ADGB: variants seen among roughly 807,000 people sequenced by gnomAD.
ADGB encodes the protein androglobin, also known as calpain-7-like protein.
ADGB carries 172 observed loss-of-function variants against 210.5 expected under a neutral mutation model. The ratio of observed to expected loss-of-function variants is 0.82; its 90% CI spans 0.72 to 0.93. The LOEUF (loss-of-function observed/expected upper bound fraction) is 0.93. Among genes scored for constraint, ADGB ranks in the 40% least tolerant of loss-of-function variants. ADGB has a pLI of 0.00. For synonymous variants in ADGB, 658 were observed against 662.7 expected, an observed-to-expected ratio of 0.99 and a Z score of 0.11; for missense variants, 2,025 against 1,964.8, an observed-to-expected ratio of 1.03 and a Z score of -0.58.
At chr6:146,777,595 T>C (rs189068052) in intron 29 of ADGB, among the ~76,000 whole-genome samples, 177 of 152,258 alleles carry the variant, frequency 1.2e-3, no homozygotes, top group African/African-American at 4.0e-3. Flanking sequence ...TCAGAAACTT[T>C]AGGGTTGGTG....
intron 3 of ADGB, among the ~76,000 whole-genome samples, chr6:146,650,572 A>G (rs555616126): frequency 4.2e-4 from 61 of 146,836 alleles, no homozygotes; most frequent in African/African-American, 1.4e-3. Flanking sequence ...CACAGATACA[A>G]TAAATACTCC....
chr6:146,637,587 T>G (rs755222413), intron 2 of ADGB, among the ~76,000 whole-genome samples: 1 of 151,962 alleles, frequency 6.6e-6, no homozygotes, highest in Non-Finnish European at 1.5e-5. Context: ...AGACCAGCTA[T>G]AGCATTCTGT....
intron 2 of ADGB, among the ~76,000 whole-genome samples, chr6:146,642,742 G>A (rs1775536916): frequency 6.6e-6 from 1 of 151,810 alleles, no homozygotes; most frequent in African/African-American, 2.4e-5. Context: ...GGAGACAACA[G>A]ACACTGGGAT....
At chr6:146,625,763 T>A (rs947845782) in intron 1 of ADGB, among the ~76,000 whole-genome samples, 2 of 152,088 alleles carry the variant, frequency 1.3e-5, no homozygotes, top group Non-Finnish European at 2.9e-5. Context: ...TACAGAACCA[T>A]TAACCAGTTA....
At chr6:146,725,703 T>A (rs1013330543) in intron 18 of ADGB, 1 of 158,610 alleles carries the variant, frequency 6.3e-6, no homozygotes, top group African/African-American at 2.4e-5. Flanking sequence ...CATGAAATGA[T>A]GCATTTGTGA....
intron 28 of ADGB, among the ~76,000 whole-genome samples, chr6:146,767,577 T>C (rs770465436): frequency 3.9e-5 from 6 of 152,178 alleles, no homozygotes; most frequent in Non-Finnish European, 5.9e-5. Context: ...CAAGTGATTC[T>C]CTCGTCTCAG....
At chr6:146,799,629 G>T (rs1022900253) in intron 33 of ADGB, among the ~76,000 whole-genome samples, 4 of 144,930 alleles carry the variant, frequency 2.8e-5, no homozygotes, top group Non-Finnish European at 6.1e-5. Flanking sequence ...GGGAGGGAGG[G>T]AGGGAGACTG....
intron 35 of ADGB, among the ~76,000 whole-genome samples, chr6:146,812,203 TGAG>T (rs1778312905): frequency 6.6e-6 from 1 of 152,110 alleles, no homozygotes; most frequent in African/African-American, 2.4e-5. Flanking sequence ...TTTAAGAGAT[TGAG>T]TTTTATAAAC....
chr6:146,713,844 TTCTC>T lies in ADGB; in HGVS notation c.1708-1534_1708-1531del, dbSNP rs1305945377. Among the ~76,000 whole-genome samples the T allele has an allele frequency of 9.2e-5, 14 of 152,134 alleles. No homozygotes were observed. In the South Asian group the frequency reaches 2.1e-3, roughly 23 times the overall value. On this transcript the variant is annotated intron_variant, in intron 13 of 35. Coordinates refer to ENST00000397944, the MANE Select transcript of ADGB (RefSeq NM_024694.4). Reference sequence around the variant, plus strand: ...ATTGCCAAATCCAGTGTCATGAAGCTTCTCTCTATGTTTTCTTCTAGGAGTTTTG... The same window carrying T: ...ATTGCCAAATCCAGTGTCATGAAGCTTCTATGTTTTCTTCTAGGAGTTTTG...
Position 146,788,545 on chromosome 6 carries a change from A to C in ADGB, c.4472A>C (p.Glu1491Ala). ...GATGTGGCAAAATCCACGAGTAGCG[A>C]AAGTGGAGGAGTGTCTTCACCAGGG... is the stretch of plus-strand genomic sequence containing the variant. ...LRDVAKSTSS[E>A]SGGVSSPGKE... The change falls in exon 33 of 36, where the codon GAA (glutamate) becomes GCA (alanine). Residue 1491 changes from glutamate (E) to alanine (A), a missense_variant. Coordinates refer to ENST00000397944, the MANE Select transcript of ADGB (RefSeq NM_024694.4). 6.4e-7 allele frequency: 1 copy of C among 1,551,694 alleles called. No individual in the cohort carries two copies. Among genetic ancestry groups the C allele is most frequent in the Non-Finnish European group, 8.7e-7 (1 of 1,146,922 alleles).
intron 25 of ADGB, 48 bp downstream of exon 25, chr6:146,741,319 G>T: frequency 6.5e-7 from 1 of 1,532,186 alleles, no homozygotes; most frequent in Non-Finnish European, 8.8e-7. Flanking sequence ...GCAGTGAAAA[G>T]CTACCAGCTT....
chr6:146,813,848 T>C (rs1353652690), intron 35 of ADGB, among the ~76,000 whole-genome samples: 1 of 152,220 alleles, frequency 6.6e-6, no homozygotes, highest in Non-Finnish European at 1.5e-5. Flanking sequence ...TTGAGTTCAC[T>C]CCCATTTATG....
intron 13 of ADGB, among the ~76,000 whole-genome samples, chr6:146,710,265 TAAAATCCAA>T (rs79921508): frequency 0.22 from 32,894 of 151,802 alleles, 3,900 homozygotes; most frequent in African/African-American, 0.32. Context: ...TTTACTTTTA[TAAAATCCAA>T]TTAATTGGGA....
chr6:146,713,553 T>C (rs551278161), intron 13 of ADGB, among the ~76,000 whole-genome samples: 11 of 152,358 alleles, frequency 7.2e-5, no homozygotes, highest in Admixed American at 3.3e-4. Context: ...GAAGGGTCTA[T>C]TCAAATTATT....
intron 16 of ADGB, among the ~76,000 whole-genome samples, chr6:146,719,689 G>A (rs1776787613): frequency 6.6e-6 from 1 of 152,140 alleles, no homozygotes; most frequent in African/African-American, 2.4e-5. Flanking sequence ...GCTGGCACCA[G>A]GGCAGAGGCC....
intron 8 of ADGB, among the ~76,000 whole-genome samples, chr6:146,672,935 T>C (rs1157796500): frequency 3.3e-5 from 5 of 151,972 alleles, no homozygotes; most frequent in Non-Finnish European, 7.4e-5. Flanking sequence ...TTCACCATGT[T>C]GGCCAGGCTG....
chr6:146,664,379 C>A, intron 6 of ADGB, 39 bp downstream of exon 6: 3 of 1,503,262 alleles, frequency 2.0e-6, no homozygotes, highest in Non-Finnish European at 2.7e-6. Context: ...ATAAAAAAAG[C>A]AAACAAAAAC....
chr6:146,711,322 A>G (rs1185056174), intron 13 of ADGB, among the ~76,000 whole-genome samples: 1 of 152,090 alleles, frequency 6.6e-6, no homozygotes, highest in East Asian at 1.9e-4. Flanking sequence ...CATTTTCTAC[A>G]TAGTCAAATA....
intron 33 of ADGB, among the ~76,000 whole-genome samples, chr6:146,799,536 A>G (rs111711366): frequency 0.11 from 2,754 of 25,334 alleles, 39 homozygotes; most frequent in Middle Eastern, 0.21. Context: ...CTGGGGGGAG[A>G]AAAAAAAAAA....
Sources: gnomAD v4.1 joint callset for allele counts (sites outside exome capture counted in the v4.1 genomes callset) on GRCh38, gnomAD v4.1.1 for gene constraint, MANE v1.5 for transcripts, NCBI Gene and HGNC (gene_info 2026-07-23, HGNC 2026-07-21) for gene names.